CFAP299: variants seen among roughly 807,000 people sequenced by gnomAD.
CFAP299 encodes the protein cilia- and flagella-associated protein 299.
In CFAP299, 21 loss-of-function variants were observed where a neutral mutation model predicts 27.0. That is an observed-to-expected ratio of 0.78 (90% CI 0.55 to 1.12). CFAP299 has a LOEUF of 1.12. CFAP299 is among the 50% of genes most tolerant of loss of function. The pLI, the probability that CFAP299 is intolerant of heterozygous loss-of-function variation, is 0.00. For synonymous variants in CFAP299, 104 were observed against 98.1 expected (o/e 1.06, Z -0.36); for missense variants, 310 against 276.6 (o/e 1.12, Z -0.86).
At chr4:80,851,369 C>G (rs756641874) in intron 3 of CFAP299, among the ~76,000 whole-genome samples, 44 of 152,060 alleles carry the variant, frequency 2.9e-4, no homozygotes, top group Non-Finnish European at 2.2e-4. Context: ...TCCTGTGGTT[C>G]TAAGTAAATT....
At chr4:80,644,530 T>G (rs148372154) in intron 3 of CFAP299, among the ~76,000 whole-genome samples, 1 of 152,316 alleles carries the variant, frequency 6.6e-6, no homozygotes, top group Admixed American at 6.5e-5. Flanking sequence ...ATTGACACTT[T>G]GCACGTCGTG....
chr4:80,841,043 AAG>A (rs1730835814), intron 3 of CFAP299, among the ~76,000 whole-genome samples: 1 of 152,148 alleles, frequency 6.6e-6, no homozygotes, highest in African/African-American at 2.4e-5. Flanking sequence ...CCAATAAAGA[AAG>A]ATGTATAATT....
chr4:80,498,177 A>G (rs2110147838), intron 2 of CFAP299, among the ~76,000 whole-genome samples: 1 of 152,332 alleles, frequency 6.6e-6, no homozygotes, highest in African/African-American at 2.4e-5. Context: ...CATTCTGGAC[A>G]TTAGACTTGG....
Position 80,875,993 on chromosome 4 carries a change from C to T in CFAP299, c.476+5858C>T, listed in dbSNP as rs1176943825. On this transcript the variant is annotated intron_variant, in intron 4 of 5. Coordinates refer to ENST00000358105, the MANE Select transcript of CFAP299 (RefSeq NM_152770.3). ...CTCAGGTTGTTCCATACCGTGGTTA[C>T]AAGGTTGAACTGCGTCAGTCTGAGA... 3.3e-5 allele frequency among the ~76,000 whole-genome samples: 5 copies of T among 152,056 alleles called. No individual in the cohort carries two copies. The East Asian group carries it at 9.7e-4, about 29-fold the overall frequency.
chr4:80,797,072 A>G (rs1727907848), intron 3 of CFAP299, among the ~76,000 whole-genome samples: 1 of 152,112 alleles, frequency 6.6e-6, no homozygotes, highest in Non-Finnish European at 1.5e-5. Context: ...AACCACAATG[A>G]CATTTTGGGT....
chr4:80,561,806 A>G (rs1578601514), intron 2 of CFAP299, among the ~76,000 whole-genome samples: 1 of 152,126 alleles, frequency 6.6e-6, no homozygotes, highest in South Asian at 2.1e-4. Flanking sequence ...AAGCACACCT[A>G]CAAGATCTAG....
chr4:80,688,289 T>G (rs369485694), intron 3 of CFAP299, among the ~76,000 whole-genome samples: 6 of 152,210 alleles, frequency 3.9e-5, no homozygotes, highest in Non-Finnish European at 7.3e-5. Context: ...TAAGTGTCCC[T>G]GTCTGACAGC....
chr4:80,386,432 C>T lies in CFAP299; in HGVS notation c.242+23548C>T, dbSNP rs1724998726. ...TGTCCTTCATCTCCTCCAGCCCCAG[C>T]GGGTCAGGCAAGGGGGTCACCACCT... On this transcript the variant is annotated intron_variant, in intron 2 of 5. Coordinates refer to ENST00000358105, the MANE Select transcript of CFAP299 (RefSeq NM_152770.3). 5 of 1,544,032 alleles carry T rather than the reference C, an allele frequency of 3.2e-6. No individual in the cohort carries two copies. The Admixed American group carries it at 5.5e-5, about 17-fold the overall frequency.
intron 4 of CFAP299, among the ~76,000 whole-genome samples, chr4:80,918,897 T>C (rs1735899488): frequency 6.6e-6 from 1 of 152,100 alleles, no homozygotes; most frequent in Non-Finnish European, 1.5e-5. Flanking sequence ...GTTCTATTTA[T>C]AAGGTTCATC....
chr4:80,547,730 T>C (rs961662625), intron 2 of CFAP299, among the ~76,000 whole-genome samples: 13 of 151,794 alleles, frequency 8.6e-5, no homozygotes, highest in African/African-American at 3.1e-4. Flanking sequence ...TGAACAGACA[T>C]ATCTCAAAGA....
chr4:80,868,595 G>A lies in CFAP299; in HGVS notation c.334-1398G>A, dbSNP rs368236209. Among the ~76,000 whole-genome samples the A allele has an allele frequency of 5.3e-5, 8 of 152,188 alleles. No individual in the cohort carries two copies. In the South Asian group the frequency reaches 8.3e-4, roughly 16 times the overall value. On this transcript the variant is annotated intron_variant, in intron 3 of 5. Transcript: ENST00000358105. Reference sequence around the variant, plus strand: ...ACCTTGCTTGAATTCCCTGAGGTTGGGCAAATGCTTTCAGAACAAAGATTA... The same window carrying A: ...ACCTTGCTTGAATTCCCTGAGGTTGAGCAAATGCTTTCAGAACAAAGATTA...
intron 3 of CFAP299, among the ~76,000 whole-genome samples, chr4:80,781,382 T>C (rs17004989): frequency 0.077 from 11,762 of 152,080 alleles, 530 homozygotes; most frequent in African/African-American, 0.1. Flanking sequence ...GTATGTGATA[T>C]TGATATATTA....
chr4:80,868,114 C>A (rs1310414183), intron 3 of CFAP299, among the ~76,000 whole-genome samples: 2 of 152,162 alleles, frequency 1.3e-5, no homozygotes, highest in Non-Finnish European at 2.9e-5. Flanking sequence ...TCACTCCCTC[C>A]AAACATACAA....
chr4:80,505,377 A>G (rs1363062736), intron 2 of CFAP299, among the ~76,000 whole-genome samples: 1 of 152,150 alleles, frequency 6.6e-6, no homozygotes, highest in Non-Finnish European at 1.5e-5. Context: ...TTACTTGTGT[A>G]GGTGCTAATT....
chr4:80,737,467 G>T (rs1367736715), intron 3 of CFAP299, among the ~76,000 whole-genome samples: 1 of 152,046 alleles, frequency 6.6e-6, no homozygotes, highest in Non-Finnish European at 1.5e-5. Flanking sequence ...CTCGTTACTT[G>T]TTGTTGGTCA....
chr4:80,616,697 A>G (rs1231268500), intron 3 of CFAP299, among the ~76,000 whole-genome samples: 4 of 152,128 alleles, frequency 2.6e-5, no homozygotes, highest in East Asian at 1.9e-4. Context: ...TCGGAGCTGT[A>G]TGATGTACTG....
chr4:80,329,393 T>A, the CFAP299 span, among the ~76,000 whole-genome samples: 1 of 152,068 alleles, frequency 6.6e-6, no homozygotes, highest in Admixed American at 6.6e-5. Context: ...ATTTAAAGAA[T>A]CAGGTGTTAT....
At chr4:80,390,832 T>C (rs1313171446) in intron 2 of CFAP299, among the ~76,000 whole-genome samples, 2 of 145,468 alleles carry the variant, frequency 1.4e-5, no homozygotes, top group South Asian at 2.1e-4. Context: ...TGTATATGTA[T>C]ATATGTATAT....
chr4:80,928,175 C>T (rs1736396663), intron 4 of CFAP299, among the ~76,000 whole-genome samples: 1 of 152,070 alleles, frequency 6.6e-6, no homozygotes, highest in African/African-American at 2.4e-5. Flanking sequence ...TCACAGTACT[C>T]ATTTATAATA....
Sources: allele counts gnomAD v4.1 joint callset (sites outside exome capture counted in the v4.1 genomes callset), GRCh38; gene constraint gnomAD v4.1.1; transcripts MANE v1.5; gene names NCBI Gene and HGNC (gene_info 2026-07-23, HGNC 2026-07-21).